PUS10: variants seen among roughly 807,000 people sequenced by gnomAD.
PUS10 encodes the protein tRNA pseudouridine synthase Pus10.
In PUS10, 59 loss-of-function variants were observed where a neutral mutation model predicts 75.0. The ratio of observed to expected loss-of-function variants is 0.79; its 90% confidence interval spans 0.64 to 0.98. The LOEUF (loss-of-function observed/expected upper bound fraction) is 0.98. Ranked by LOEUF, PUS10 falls within the 50% of genes least tolerant of loss-of-function variation. PUS10 has a pLI of 0.00. For missense variants in PUS10, 650 were observed against 614.4 expected (o/e 1.06, Z -0.61); for synonymous variants, 219 against 211.6 (o/e 1.03, Z -0.30).
chr2:60,961,462 C>T lies in PUS10; in HGVS notation c.874+1G>A. 1.2e-6 allele frequency: 2 copies of T among 1,612,296 alleles called. No individual in the cohort carries two copies. Among genetic ancestry groups the T allele is most frequent in the South Asian group, 1.1e-5 (1 of 91,056 alleles). Reference sequence around the variant, plus strand: ...TGTATATTCTAGACTAAATATTTTACCAGCCACAAAAACAGCACCATGAGC... The same window carrying T: ...TGTATATTCTAGACTAAATATTTTATCAGCCACAAAAACAGCACCATGAGC... On this transcript the variant is annotated splice_donor_variant, in intron 10 of 17. Transcript: ENST00000316752. LOFTEE classifies it high-confidence loss of function.
intron 5 of PUS10, among the ~76,000 whole-genome samples, chr2:60,970,656 G>A (rs1212826480): frequency 6.6e-6 from 1 of 152,058 alleles, no homozygotes; most frequent in African/African-American, 2.4e-5. Context: ...AGCCTGGGCG[G>A]GGGAGGGGAC....
chr2:60,953,812 C>G lies in PUS10; in HGVS notation c.1190+121G>C, dbSNP rs1056726465. ...GAGAAATGTCTACTTAATCATTTCC[C>G]CATTTGTAGTTGTGTTGTTAAGAGT... On this transcript the variant is annotated intron_variant, in intron 14 of 17. Transcript: ENST00000316752. The G allele has an allele frequency of 6.9e-6, 5 of 726,738 alleles. No homozygotes were observed. In the East Asian group the frequency reaches 1.3e-4, roughly 19 times the overall value. The allele number at this position is 726,738 out of a possible 1,614,324, so 45.0% of individuals were successfully genotyped here.
At chr2:60,947,914 ATAT>A in intron 16 of PUS10, 126 bp downstream of exon 16, 2 of 803,170 alleles carry the variant, frequency 2.5e-6, no homozygotes, top group Non-Finnish European at 3.9e-6. Context: ...ACAAACAAAA[ATAT>A]TCTTCTTCAG....
intron 17 of PUS10, among the ~76,000 whole-genome samples, chr2:60,943,852 A>G (rs1209024447): frequency 6.6e-6 from 1 of 151,926 alleles, no homozygotes; most frequent in Non-Finnish European, 1.5e-5. Context: ...GTGGGCAGTC[A>G]GTGTTGAGAA....
At chr2:60,945,216 T>A in intron 16 of PUS10, 108 bp from the exon 17 acceptor site, 1 of 728,294 alleles carries the variant, frequency 1.4e-6, no homozygotes, top group Admixed American at 2.2e-5. Context: ...AAAAGAAAGG[T>A]TACTTCTGAG....
chr2:60,947,139 G>C (rs780987672), intron 16 of PUS10, among the ~76,000 whole-genome samples: 6 of 152,152 alleles, frequency 3.9e-5, no homozygotes, highest in Admixed American at 2.0e-4. Flanking sequence ...CAACCTTTCT[G>C]TAACACAGTC....
At chr2:60,970,730 C>G (rs534804595) in intron 5 of PUS10, among the ~76,000 whole-genome samples, 9 of 152,148 alleles carry the variant, frequency 5.9e-5, no homozygotes, top group Non-Finnish European at 1.3e-4. Flanking sequence ...TTTTATATTT[C>G]AAAACACTTT....
At chr2:60,989,334 A>G (rs920222077) in intron 4 of PUS10, among the ~76,000 whole-genome samples, 7 of 152,182 alleles carry the variant, frequency 4.6e-5, no homozygotes, top group African/African-American at 1.7e-4. Flanking sequence ...CCCTAGTAAA[A>G]GAACAGAGTT....
chr2:60,995,884 A>C (rs1341952775), intron 4 of PUS10, among the ~76,000 whole-genome samples: 1 of 152,194 alleles, frequency 6.6e-6, no homozygotes, highest in Non-Finnish European at 1.5e-5. Context: ...TCCCTCAATT[A>C]CCTACACTGC....
intron 17 of PUS10, among the ~76,000 whole-genome samples, chr2:60,944,755 G>A (rs1674836403): frequency 1.3e-5 from 2 of 152,096 alleles, no homozygotes; most frequent in East Asian, 3.9e-4. Flanking sequence ...CTTGGTTTAA[G>A]GGTTTAGATT....
At chr2:60,988,398 AGATTGGTAGATTTC>A (rs1324818636) in intron 4 of PUS10, among the ~76,000 whole-genome samples, 1 of 152,198 alleles carries the variant, frequency 6.6e-6, no homozygotes, top group African/African-American at 2.4e-5. Context: ...AATAAAAACT[AGATTGGTAGATTTC>A]CATTAGGGTT....
chr2:61,008,029 A>G (rs7558712), intron 3 of PUS10, among the ~76,000 whole-genome samples: 9,432 of 151,276 alleles, frequency 0.062, 1,004 homozygotes, highest in African/African-American at 0.22. Context: ...GTGAGCAGAG[A>G]TTGCGCCACT....
At chr2:60,999,275 T>C (rs1678686336) in intron 4 of PUS10, among the ~76,000 whole-genome samples, 1 of 152,188 alleles carries the variant, frequency 6.6e-6, no homozygotes, top group Admixed American at 6.5e-5. Flanking sequence ...TCTATAGTTT[T>C]TGTGTGGCAT....
At chr2:60,982,735 A>G (rs1677477257) in intron 4 of PUS10, among the ~76,000 whole-genome samples, 1 of 152,232 alleles carries the variant, frequency 6.6e-6, no homozygotes, top group South Asian at 2.1e-4. Context: ...AGTTCTTTCC[A>G]AAAGTTTTAC....
chr2:60,948,881 CAAG>C (rs1371350686), intron 15 of PUS10, among the ~76,000 whole-genome samples: 13 of 151,968 alleles, frequency 8.6e-5, no homozygotes, highest in South Asian at 2.1e-4. Context: ...CAACTAATTC[CAAG>C]TTTTAAAAAT....
intron 14 of PUS10, among the ~76,000 whole-genome samples, chr2:60,953,429 T>C (rs1212558823): frequency 2.0e-5 from 3 of 152,242 alleles, no homozygotes; most frequent in African/African-American, 4.8e-5. Flanking sequence ...TTTCACATAA[T>C]GAAATCATAC....
In PUS10 at chr2:60,949,775, A is replaced by G. The variant is rs765853392; in HGVS notation, c.1309-1590T>C. On this transcript the variant is annotated intron_variant, in intron 15 of 17. Transcript: ENST00000316752. ...CCCTTTCACCACTTAGTCTGTACCT[A>G]TGAAAATCATCTTTCAGCCCAGGCT... 1.3e-4 allele frequency among the ~76,000 whole-genome samples: 20 copies of G among 152,328 alleles called. No individual in the cohort carries two copies. The East Asian group carries it at 3.3e-3, about 25-fold the overall frequency.
chr2:61,016,674 C>T (rs989066610), intron 1 of PUS10, among the ~76,000 whole-genome samples: 4 of 152,178 alleles, frequency 2.6e-5, no homozygotes, highest in Non-Finnish European at 5.9e-5. Flanking sequence ...ATAACTAGCC[C>T]AGTCTCTGGC....
At chr2:60,956,766 A>G (rs7587324) in intron 11 of PUS10, among the ~76,000 whole-genome samples, 51,461 of 151,838 alleles carry the variant, frequency 0.34, 10,026 homozygotes, top group African/African-American at 0.51. Context: ...ACGAAGTCAG[A>G]AGATCGAGAC....
Sources: allele counts gnomAD v4.1 joint callset (sites outside exome capture counted in the v4.1 genomes callset), GRCh38; gene constraint gnomAD v4.1.1; transcripts MANE v1.5; gene names NCBI Gene and HGNC (gene_info 2026-07-23, HGNC 2026-07-21).